Variants in KIAA1328 observed in about 807,000 individuals in gnomAD.
KIAA1328 encodes KIAA1328, also known as protein hinderin.
KIAA1328 carries 52 observed loss-of-function variants against 68.1 expected under a neutral mutation model. The observed-to-expected ratio is 0.76, with a 90% confidence interval of 0.61 to 0.96. The LOEUF is 0.96. Among genes scored for constraint, KIAA1328 ranks in the 40% least tolerant of loss-of-function variants. The probability of loss-of-function intolerance (pLI) is 0.00; values close to 1 mark genes in which losing one functional copy is unlikely to be tolerated. For missense variants in KIAA1328, 641 were observed against 677.6 expected, an observed-to-expected ratio of 0.95 and a Z score of 0.60; for synonymous variants, 232 against 239.4, an observed-to-expected ratio of 0.97 and a Z score of 0.28.
At chr18:36,882,562 A>G (rs2048358557) in intron 4 of KIAA1328, among the ~76,000 whole-genome samples, 1 of 152,184 alleles carries the variant, frequency 6.6e-6, no homozygotes, top group Non-Finnish European at 1.5e-5. Context: ...TTCTTAATAC[A>G]GTTTGTTAAT....
At chr18:37,212,619 G>A (rs2060338839) in intron 9 of KIAA1328, among the ~76,000 whole-genome samples, 1 of 152,066 alleles carries the variant, frequency 6.6e-6, no homozygotes, top group South Asian at 2.1e-4. Context: ...TGTATTTTGG[G>A]TATCATAATT....
chr18:36,925,991 C>CT (rs979476339), intron 5 of KIAA1328, among the ~76,000 whole-genome samples: 16 of 149,462 alleles, frequency 1.1e-4, no homozygotes, highest in Non-Finnish European at 1.0e-4. Context: ...GTTATCTCAA[C>CT]TTTTTTTTTT....
Position 37,063,727 on chromosome 18 carries a change from A to T in KIAA1328, c.577-3163A>T, listed in dbSNP as rs780460422. Reference sequence around the variant, plus strand: ...AAACAGGAAACATTAACTGAAAAAAATTTTTTAATTTATTCCAAATACTTG... The same window carrying T: ...AAACAGGAAACATTAACTGAAAAAATTTTTTTAATTTATTCCAAATACTTG... On this transcript the variant is annotated intron_variant, in intron 6 of 9. Transcript: ENST00000280020. The T allele has an allele frequency of 3.2e-5, 30 of 940,344 alleles. No individual in the cohort carries two copies. In the Admixed American group the frequency reaches 4.9e-4, roughly 15 times the overall value. The allele number at this position is 940,344 out of a possible 1,614,324, so 58.3% of individuals were successfully genotyped here. A position where few individuals can be genotyped will look rare whatever the true frequency, so the allele number is the denominator to read the frequency against.
chr18:36,870,061 A>C (rs1313628376), intron 4 of KIAA1328, among the ~76,000 whole-genome samples: 1 of 152,024 alleles, frequency 6.6e-6, no homozygotes, highest in East Asian at 1.9e-4. Flanking sequence ...ACGGGGTTTC[A>C]CCATGTTGAC....
At chr18:37,034,441 A>T (rs1434660977) in intron 6 of KIAA1328, among the ~76,000 whole-genome samples, 1 of 152,174 alleles carries the variant, frequency 6.6e-6, no homozygotes, top group African/African-American at 2.4e-5. Context: ...GAGTTGAATA[A>T]GAACTACAGA....
chr18:37,078,058 A>G (rs904627805), intron 7 of KIAA1328, among the ~76,000 whole-genome samples: 6 of 152,240 alleles, frequency 3.9e-5, no homozygotes, highest in Admixed American at 1.3e-4. Flanking sequence ...TGGAGGCATC[A>G]TGCTACCTGA....
At chr18:37,149,611 G>A (rs992739345) in intron 7 of KIAA1328, among the ~76,000 whole-genome samples, 3 of 152,072 alleles carry the variant, frequency 2.0e-5, no homozygotes, top group Admixed American at 2.0e-4. Context: ...TAACACTATG[G>A]TAAGTATTTG....
intron 5 of KIAA1328, among the ~76,000 whole-genome samples, chr18:36,906,754 C>T (rs1339608575): frequency 1.3e-5 from 2 of 152,074 alleles, no homozygotes; most frequent in Admixed American, 6.6e-5. Flanking sequence ...CTACTGTAAA[C>T]ATTCATGTGC....
chr18:37,162,102 A>C (rs1040444983), intron 8 of KIAA1328, among the ~76,000 whole-genome samples: 4 of 152,238 alleles, frequency 2.6e-5, no homozygotes, highest in Non-Finnish European at 4.4e-5. Context: ...TCTGTTGTGC[A>C]CAATGAATCC....
At chr18:37,137,092 G>A (rs2058662916) in intron 7 of KIAA1328, among the ~76,000 whole-genome samples, 1 of 152,074 alleles carries the variant, frequency 6.6e-6, no homozygotes, top group South Asian at 2.1e-4. Context: ...ACACCTTCTA[G>A]TATGAAGTGT....
intron 7 of KIAA1328, among the ~76,000 whole-genome samples, chr18:37,157,581 G>A (rs902576213): frequency 7.2e-5 from 11 of 151,944 alleles, no homozygotes; most frequent in Non-Finnish European, 1.5e-4. Flanking sequence ...GGGAGGCCGA[G>A]TGGGCAGATC....
intron 7 of KIAA1328, among the ~76,000 whole-genome samples, chr18:37,112,590 C>T (rs538922558): frequency 1.3e-5 from 2 of 152,146 alleles, no homozygotes; most frequent in Admixed American, 6.5e-5. Context: ...AAAATCAGAG[C>T]GCCTCTTCTC....
chr18:36,998,163 T>C (rs1295929308), intron 6 of KIAA1328, among the ~76,000 whole-genome samples: 1 of 152,064 alleles, frequency 6.6e-6, no homozygotes, highest in Non-Finnish European at 1.5e-5. Flanking sequence ...ACAGAGCACA[T>C]AGCTTAGGAT....
intron 6 of KIAA1328, among the ~76,000 whole-genome samples, chr18:36,987,930 T>A (rs1045218880): frequency 2.6e-5 from 4 of 152,168 alleles, no homozygotes; most frequent in African/African-American, 9.7e-5. Context: ...CAGCCCTAGT[T>A]CAGCTCTATC....
chr18:36,915,085 C>G (rs1359801045), intron 5 of KIAA1328, among the ~76,000 whole-genome samples: 1 of 152,110 alleles, frequency 6.6e-6, no homozygotes, highest in Non-Finnish European at 1.5e-5. Flanking sequence ...TGCTAAAACA[C>G]TTTTTTAAAA....
At chr18:37,118,513 C>A (rs1380359169) in intron 7 of KIAA1328, among the ~76,000 whole-genome samples, 1 of 152,152 alleles carries the variant, frequency 6.6e-6, no homozygotes, top group Admixed American at 6.5e-5. Context: ...CTCCTGTATT[C>A]CAGACATACT....
At chr18:36,962,547 C>T (rs946753135) in intron 6 of KIAA1328, among the ~76,000 whole-genome samples, 1 of 152,252 alleles carries the variant, frequency 6.6e-6, no homozygotes, top group Non-Finnish European at 1.5e-5. Flanking sequence ...CATGCTTATT[C>T]TAAAATTGAC....
chr18:36,837,389 T>G (rs1600922165), intron 3 of KIAA1328, among the ~76,000 whole-genome samples: 1 of 152,316 alleles, frequency 6.6e-6, no homozygotes, highest in East Asian at 1.9e-4. Flanking sequence ...TATTTGTGTA[T>G]CTTCGTCAGA....
Position 37,224,760 on chromosome 18 carries a change from A to G in KIAA1328, c.*2533A>G. 1.0e-6 allele frequency: 1 copy of G among 985,306 alleles called. No individual in the cohort carries two copies. Among genetic ancestry groups the G allele is most frequent in the South Asian group, 4.7e-5 (1 of 21,266 alleles). The allele number at this position is 985,306 out of a possible 1,614,324, so 61.0% of individuals were successfully genotyped here. A position where few individuals can be genotyped will look rare whatever the true frequency, so the allele number is the denominator to read the frequency against. The stretch of plus-strand genomic sequence containing the variant: ...GGATTTGCTCGTCCAGCCTCTAGAC[A>G]CTTCCCAAAGCAAGACTGGACACAT... On this transcript the variant is annotated 3_prime_UTR_variant, in exon 10 of 10. Transcript: ENST00000280020.
Sources: gnomAD v4.1 joint callset for allele counts (sites outside exome capture counted in the v4.1 genomes callset) on GRCh38, gnomAD v4.1.1 for gene constraint, MANE v1.5 for transcripts, NCBI Gene and HGNC (gene_info 2026-07-23, HGNC 2026-07-21) for gene names.